The following AOC2 variants were observed in gnomAD, a reference collection of about 807,000 sequenced individuals.
The protein encoded by AOC2 is amine oxidase copper containing 2, also known as amine oxidase [copper-containing] 2.
Under a neutral mutation model 53.8 loss-of-function variants are expected in AOC2, and 57 were observed. The ratio of observed to expected loss-of-function variants is 1.06; its 90% CI spans 0.86 to 1.32. The LOEUF (loss-of-function observed/expected upper bound fraction) is 1.32, where lower values mean the gene tolerates loss of function less well. Ranked by LOEUF, AOC2 falls within the 40% of genes most tolerant of loss-of-function variation. The pLI is 0.00. For missense variants in AOC2, 1,008 were observed against 957.2 expected, an observed-to-expected ratio of 1.05 and a Z score of -0.70; for synonymous variants, 404 against 399.0, an observed-to-expected ratio of 1.01 and a Z score of -0.15.
In AOC2 at chr17:42,850,131, A is replaced by G; in HGVS notation, c.2054A>G (p.Glu685Gly). 6.2e-7 allele frequency: 1 copy of G among 1,614,176 alleles called. No individual in the cohort carries two copies. Among genetic ancestry groups the G allele is most frequent in the Middle Eastern group, 1.6e-4 (1 of 6,062 alleles). The change falls in exon 4 of 4, where the codon GAG becomes GGG. Residue 685 changes from glutamate to glycine, a missense_variant. Glu to Gly is a moderately conservative substitution (Grantham distance 98). Coordinates refer to ENST00000253799, the MANE Select transcript of AOC2 (RefSeq NM_009590.4). ...TASFLHIPHAEDIPNTVTLGN... is the reference protein window; with the variant it reads ...TASFLHIPHAGDIPNTVTLGN... The stretch of plus-strand genomic sequence containing the variant: ...AGCTTCCTGCACATTCCCCATGCCG[A>G]GGACATCCCAAACACAGTGACTCTG...
intron 1 of AOC2, among the ~76,000 whole-genome samples, chr17:42,848,585 C>T (rs1341056203): frequency 7.0e-6 from 1 of 143,882 alleles, no homozygotes; most frequent in African/African-American, 2.8e-5. Context: ...GAGTCTTGCT[C>T]TGTTGCCCAG....
Position 42,850,122 on chromosome 17 carries a change from C to T in AOC2, c.2045C>T (p.Pro682Leu). The change falls in exon 4 of 4, where the codon CCC (proline) becomes CTC (leucine). Residue 682 changes from proline to leucine, a missense_variant. By Grantham distance (98) the Pro-to-Leu change is moderately conservative. Transcript: ENST00000253799. ...GTCACAGCCAGCTTCCTGCACATTC[C>T]CCATGCCGAGGACATCCCAAACACA... ...AWVTASFLHI[P>L]HAEDIPNTVT... is the part of the protein sequence containing the mutation. 6.2e-7 allele frequency: 1 copy of T among 1,614,192 alleles called. No homozygotes were observed. The highest frequency in any genetic ancestry group is 8.5e-7 in the Non-Finnish European group (1 of 1,180,042).
chr17:42,845,413 CACTA>C lies in AOC2; in HGVS notation c.788_791del (p.His263ProfsTer33). 1 of 1,614,214 alleles carries C rather than the reference CACTA, an allele frequency of 6.2e-7. No homozygotes were observed. The highest frequency in any genetic ancestry group is 8.5e-7 in the Non-Finnish European group (1 of 1,180,044). On this transcript the variant is annotated frameshift_variant, in exon 1 of 4. Coordinates refer to ENST00000253799, the MANE Select transcript of AOC2 (RefSeq NM_009590.4). LOFTEE classifies it high-confidence loss of function. ...TGTCCAGCAGGTCTTCTACCTTGGG[CACTA>C]CTATGCAGACTTGGGCCAGTTGGAA...
In AOC2 at chr17:42,850,431, CCTG is replaced by C. The variant is rs2055646046; in HGVS notation, c.*86_*88del. 1 of 1,471,944 alleles carries C rather than the reference CCTG, an allele frequency of 6.8e-7. No individual in the cohort carries two copies. Among genetic ancestry groups the C allele is most frequent in the African/African-American group, 1.4e-5 (1 of 71,346 alleles). The allele number at this position is 1,471,944 out of a possible 1,614,324, so 91.2% of individuals were successfully genotyped here. A position where few individuals can be genotyped will look rare whatever the true frequency, so the allele number is the denominator to read the frequency against. On this transcript the variant is annotated 3_prime_UTR_variant, in exon 4 of 4. Transcript: ENST00000253799. The stretch of plus-strand genomic sequence containing the variant: ...TTCTATTCTCCGTGTTTTTATCACA[CCTG>C]CTCCCCAGATTCCCACCCCCTCAAT...
In AOC2 at chr17:42,845,385, G is replaced by C. The variant is rs760181659; in HGVS notation, c.759G>C (p.Trp253Cys). The C allele has an allele frequency of 5.6e-6, 9 of 1,614,174 alleles. No individual in the cohort carries two copies. Among genetic ancestry groups the C allele is most frequent in the Non-Finnish European group, 7.6e-6 (9 of 1,180,036 alleles). The change falls in exon 1 of 4, where the codon TGG (tryptophan) becomes TGC (cysteine). Residue 253 changes from tryptophan to cysteine, a missense_variant. Transcript: ENST00000253799. ...ACAGGGCCCTGGACCCTGCCCACTGGACTGTCCAGCAGGTCTTCTACCTTG... is the reference window on the plus strand; with the variant it reads ...ACAGGGCCCTGGACCCTGCCCACTGCACTGTCCAGCAGGTCTTCTACCTTG... Reference protein sequence around the residue: ...LDHRALDPAHWTVQQVFYLGH... With the variant: ...LDHRALDPAHCTVQQVFYLGH...
Position 42,846,196 on chromosome 17 carries a change from C to T in AOC2, c.1570C>T (p.Leu524=), listed in dbSNP as rs2055598576. 1.3e-6 allele frequency: 2 copies of T among 1,518,520 alleles called. No individual in the cohort carries two copies. Among genetic ancestry groups the T allele is most frequent in the Non-Finnish European group, 1.8e-6 (2 of 1,133,198 alleles). The allele number at this position is 1,518,520 out of a possible 1,614,324, so 94.1% of individuals were successfully genotyped here. The change falls in exon 1 of 4, where the codon CTG becomes TTG. Residue 524 remains leucine, a synonymous_variant. Coordinates refer to ENST00000253799, the MANE Select transcript of AOC2 (RefSeq NM_009590.4). The stretch of plus-strand genomic sequence containing the variant: ...GCACACACATGCCTTCCACTTCAAG[C>T]TGGACCTGGATGTGGCAGGTGAGTG... The part of the protein sequence containing the change: ...TVHTHAFHFK[L]DLDVAGLKNW...
In AOC2 at chr17:42,844,969, C is replaced by G; in HGVS notation, c.343C>G (p.Pro115Ala). Reference protein sequence around the residue: ...ALAHLDRGSPPPAREALAIVL... With the variant: ...ALAHLDRGSPAPAREALAIVL... ...GGCCCACCTGGACAGGGGGAGCCCC[C>G]CACCTGCCCGGGAGGCACTGGCCAT... Residue 115 changes from proline to alanine, a missense_variant, in exon 1 of 4, where the codon CCA (proline) becomes GCA (alanine). Physicochemically the swap from Pro to Ala is conservative, Grantham distance 27. Transcript: ENST00000253799. 6.2e-7 allele frequency: 1 copy of G among 1,611,116 alleles called. No homozygotes were observed. The highest frequency in any genetic ancestry group is 8.5e-7 in the Non-Finnish European group (1 of 1,178,084).
In AOC2 at chr17:42,846,024, C is replaced by G. The variant is rs775240564; in HGVS notation, c.1398C>G (p.Asp466Glu). 2.5e-5 allele frequency: 41 copies of G among 1,613,650 alleles called. No homozygotes were observed. The South Asian group carries it at 4.1e-4, about 16-fold the overall frequency. Residue 466 changes from aspartate (D) to glutamate (E), a missense_variant, in exon 1 of 4, where the codon GAC (aspartate) becomes GAG (glutamate). Physicochemically the swap from Asp to Glu is conservative, Grantham distance 45. Coordinates refer to ENST00000253799, the MANE Select transcript of AOC2 (RefSeq NM_009590.4). ...VRSVSSVGNY[D>E]YIWDFVLYPN... ...CTGTGTCATCTGTGGGCAACTATGA[C>G]TACATTTGGGACTTTGTGTTGTACC...
chr17:42,849,454 G>A (rs2055629169), intron 2 of AOC2, 83 bp downstream of exon 2: 1 of 1,575,468 alleles, frequency 6.3e-7, no homozygotes, highest in East Asian at 2.2e-5. Flanking sequence ...CCTTCCCACG[G>A]CTACCATTCA....
Position 42,845,912 on chromosome 17 carries a change from C to T in AOC2, c.1286C>T (p.Ala429Val), listed in dbSNP as rs1051082892. Residue 429 changes from alanine to valine, a missense_variant, in exon 1 of 4, where the codon GCC (alanine) becomes GTC (valine). Ala to Val is a moderately conservative substitution (Grantham distance 64, BLOSUM62 0). Transcript: ENST00000253799. ...LPGAVCVFEE[A>V]QGLPLRRHHN... ...GGGGCTGTGTGTGTATTTGAGGAAG[C>T]CCAGGGACTGCCCCTTCGAAGGCAC... The T allele has an allele frequency of 2.5e-6, 4 of 1,614,134 alleles. No individual in the cohort carries two copies. In the Admixed American group the frequency reaches 5.0e-5, roughly 20 times the overall value.
rs61450612 is a variant in AOC2, at chr17:42,848,065, C to CTTTTTT, written c.1589-1000_1589-995dup. Among the ~76,000 whole-genome samples, 153 of 101,340 alleles carry CTTTTTT rather than the reference C, an allele frequency of 1.5e-3. 15 individuals carry two copies. The highest frequency in any genetic ancestry group is 7.9e-3 in the African/African-American group (147 of 18,656). 66.5% of individuals were successfully genotyped at this position (101,340 alleles called of 152,430 possible). A position where few individuals can be genotyped will look rare whatever the true frequency, so the allele number is the denominator to read the frequency against. ...AGTGCTGTGAGCTACCATGCCCGGCCTTTTTTTTTTTTTTTTTTTTTTTTT... is the reference window on the plus strand; with the variant it reads ...AGTGCTGTGAGCTACCATGCCCGGCCTTTTTTTTTTTTTTTTTTTTTTTTTTTTTTT... On this transcript the variant is annotated intron_variant, in intron 1 of 3. Coordinates refer to ENST00000253799, the MANE Select transcript of AOC2 (RefSeq NM_009590.4).
chr17:42,846,517 A>G (rs1484602280), intron 1 of AOC2, among the ~76,000 whole-genome samples: 2 of 152,122 alleles, frequency 1.3e-5, no homozygotes, highest in African/African-American at 2.4e-5. Flanking sequence ...CTTAGCCTCA[A>G]GTGACACTGG....
At chr17:42,848,524 A>AATATATATATATATATATATATAT (rs71228780) in intron 1 of AOC2, among the ~76,000 whole-genome samples, 1 of 131,288 alleles carries the variant, frequency 7.6e-6, no homozygotes, top group African/African-American at 3.3e-5. Flanking sequence ...AGAGGAACTG[A>AATATATATATATATATATATATAT]ATATATATAT....
rs201841667 is a variant in AOC2, at chr17:42,845,942, A to G, written c.1316A>G (p.Asn439Ser). Reference protein sequence around the residue: ...AQGLPLRRHHNYLQNHFYGGL... With the variant: ...AQGLPLRRHHSYLQNHFYGGL... The stretch of plus-strand genomic sequence containing the variant: ...GGACTGCCCCTTCGAAGGCACCACA[A>G]TTACCTTCAAAATCATTTCTATGGT... The change falls in exon 1 of 4, where the codon AAT (asparagine) becomes AGT (serine). Residue 439 changes from asparagine (N) to serine (S), a missense_variant. By Grantham distance (46) the Asn-to-Ser change is conservative. Transcript: ENST00000253799. 48 of 1,614,064 alleles carry G rather than the reference A, an allele frequency of 3.0e-5. No homozygotes were observed. Among genetic ancestry groups the G allele is most frequent in the African/African-American group, 1.2e-4 (9 of 74,922 alleles).
At position 42,850,091 on chromosome 17, in the gene AOC2, G is replaced by A; in HGVS notation, c.2014G>A (p.Ala672Thr). The A allele has an allele frequency of 6.2e-7, 1 of 1,613,502 alleles. No homozygotes were observed. The highest frequency in any genetic ancestry group is 8.5e-7 in the Non-Finnish European group (1 of 1,179,474). The stretch of plus-strand genomic sequence containing the variant: ...CTCCTTCTTCTTGCAGGATCTGGTG[G>A]CTTGGGTCACAGCCAGCTTCCTGCA... ...NETLLGEDLV[A>T]WVTASFLHIP... Residue 672 changes from alanine (A) to threonine (T), a missense_variant, in exon 4 of 4, where the codon GCT (alanine) becomes ACT (threonine). Coordinates refer to ENST00000253799, the MANE Select transcript of AOC2 (RefSeq NM_009590.4).
In AOC2 at chr17:42,846,097, A is replaced by G. The variant is rs781770308; in HGVS notation, c.1471A>G (p.Thr491Ala). ...GRVHATGYIN[T>A]AFLKGGEEGL... ...GGTCCATGCCACGGGTTATATCAAC[A>G]CAGCTTTCCTGAAAGGGGGAGAGGA... The change falls in exon 1 of 4, where the codon ACA becomes GCA. Residue 491 changes from threonine (T) to alanine (A), a missense_variant. Thr to Ala is a moderately conservative substitution (Grantham distance 58, BLOSUM62 0). Coordinates refer to ENST00000253799, the MANE Select transcript of AOC2 (RefSeq NM_009590.4). 2 of 1,598,152 alleles carry G rather than the reference A, an allele frequency of 1.3e-6. No individual in the cohort carries two copies. Among genetic ancestry groups the G allele is most frequent in the Non-Finnish European group, 1.7e-6 (2 of 1,169,608 alleles).
At position 42,845,487 on chromosome 17, in the gene AOC2, A is replaced by ACCT. The variant is rs767820667; in HGVS notation, c.864_866dup (p.Pro290dup). ...GGTTGGAAGTGGTTAGAGTCCCTCTACCTCCACCAAATGGAGCTTCATCCC... is the reference window on the plus strand; with the variant it reads ...GGTTGGAAGTGGTTAGAGTCCCTCTACCTCCTCCACCAAATGGAGCTTCATCCC... On this transcript the variant is annotated inframe_insertion, in exon 1 of 4. Coordinates refer to ENST00000253799, the MANE Select transcript of AOC2 (RefSeq NM_009590.4). 4 of 1,613,690 alleles carry ACCT rather than the reference A, an allele frequency of 2.5e-6. No homozygotes were observed. In the East Asian group the frequency reaches 8.9e-5, roughly 36 times the overall value.
rs368573716 is a variant in AOC2 at position 42,846,143 on chromosome 17, G to A, written c.1517G>A (p.Arg506His). The A allele has an allele frequency of 7.9e-5, 124 of 1,563,514 alleles. No individual in the cohort carries two copies. The highest frequency in any genetic ancestry group is 1.0e-4 in the Non-Finnish European group (116 of 1,153,692). ...GAGGAGGGCCTCCTCTTTGGGAACC[G>A]TGTGGGGGAAAGAGTGCTGGGAACG... ...GGEEGLLFGNRVGERVLGTVH... is the reference protein window; with the variant it reads ...GGEEGLLFGNHVGERVLGTVH... Residue 506 changes from arginine (R) to histidine (H), a missense_variant, in exon 1 of 4, where the codon CGT becomes CAT. Physicochemically the swap from Arg to His is conservative, Grantham distance 29 (BLOSUM62 0). Coordinates refer to ENST00000253799, the MANE Select transcript of AOC2 (RefSeq NM_009590.4).
intron 1 of AOC2, among the ~76,000 whole-genome samples, chr17:42,847,808 TCTCA>T (rs1433623709): frequency 6.8e-6 from 1 of 147,634 alleles, no homozygotes; most frequent in Non-Finnish European, 1.5e-5. Flanking sequence ...GAAGACAGAG[TCTCA>T]CTCTGTTGCC....
Sources: allele counts gnomAD v4.1 joint callset (sites outside exome capture counted in the v4.1 genomes callset), GRCh38; gene constraint gnomAD v4.1.1; transcripts MANE v1.5; gene names NCBI Gene and HGNC (gene_info 2026-07-23, HGNC 2026-07-21).